TMX1: variants seen among roughly 807,000 people sequenced by gnomAD.
TMX1 encodes thioredoxin-related transmembrane protein 1.
Under a neutral mutation model 36.6 loss-of-function variants are expected in TMX1, and 25 were observed. The ratio of observed to expected loss-of-function variants is 0.68; its 90% CI spans 0.50 to 0.95. The LOEUF is 0.95. Among genes scored for constraint, TMX1 ranks in the 40% least tolerant of loss-of-function variants. The pLI is 0.00. For synonymous variants in TMX1, 133 were observed against 118.0 expected, an observed-to-expected ratio of 1.13 and a Z score of -0.82; for missense variants, 347 against 339.6, an observed-to-expected ratio of 1.02 and a Z score of -0.17.
chr14:51,251,049 G>A (rs2065810264), intron 7 of TMX1, among the ~76,000 whole-genome samples: 2 of 152,162 alleles, frequency 1.3e-5, no homozygotes, highest in African/African-American at 2.4e-5. Context: ...GGTTTTTGAA[G>A]TGAAATGAAT....
At position 51,256,857 on chromosome 14, in the gene TMX1, T is replaced by A. The variant is rs1471872602; in HGVS notation, c.*2338T>A. 3 of 152,346 alleles carry A rather than the reference T, an allele frequency of 2.0e-5. No homozygotes were observed. The highest frequency in any genetic ancestry group is 2.1e-4 in the South Asian group (1 of 4,832). 9.4% of individuals were successfully genotyped at this position (152,346 alleles called of 1,614,324 possible). On this transcript the variant is annotated 3_prime_UTR_variant, in exon 8 of 8. Coordinates refer to ENST00000457354, the MANE Select transcript of TMX1 (RefSeq NM_030755.5). Reference sequence around the variant, plus strand: ...AGGTGTGGTACAAATAGGTAAAATTTGAATCTAATTCTTGTTCCAAATCTT... The same window carrying A: ...AGGTGTGGTACAAATAGGTAAAATTAGAATCTAATTCTTGTTCCAAATCTT...
At position 51,257,625 on chromosome 14, in the gene TMX1, A is replaced by T. The variant is rs897375521; in HGVS notation, c.*3106A>T. The T allele has an allele frequency of 6.6e-6, 1 of 152,198 alleles. No homozygotes were observed. Among genetic ancestry groups the T allele is most frequent in the African/African-American group, 2.4e-5 (1 of 41,460 alleles). The allele number at this position is 152,198 out of a possible 1,614,324, so 9.4% of individuals were successfully genotyped here. On this transcript the variant is annotated 3_prime_UTR_variant, in exon 8 of 8. Coordinates refer to ENST00000457354, the MANE Select transcript of TMX1 (RefSeq NM_030755.5). ...AACCATTAAAACTAGAGTAACAATA[A>T]ATTTAAGTTGGAATTTTGGTAATAT... is the stretch of plus-strand genomic sequence containing the variant.
intron 1 of TMX1, 98 bp from the exon 2 acceptor site, chr14:51,243,758 A>C (rs2065772791): frequency 1.2e-6 from 1 of 855,076 alleles, no homozygotes; most frequent in Non-Finnish European, 1.7e-6. Flanking sequence ...TTCATATGAA[A>C]TATTCTTCAT....
At position 51,249,498 on chromosome 14, in the gene TMX1, G is replaced by C. The variant is rs749154615; in HGVS notation, c.520G>C (p.Gly174Arg). 1.3e-5 allele frequency: 21 copies of C among 1,612,368 alleles called. No individual in the cohort carries two copies. The South Asian group carries it at 2.3e-4, about 18-fold the overall frequency. Reference sequence around the variant, plus strand: ...CCATAACTACTTTATTGAAGACCTTGGATTGCCAGTGTGGGGATCATATAC... The same window carrying C: ...CCATAACTACTTTATTGAAGACCTTCGATTGCCAGTGTGGGGATCATATAC... The part of the protein sequence containing the change: ...TCHNYFIEDL[G>R]LPVWGSYTVF... The change falls in exon 6 of 8, where the codon GGA becomes CGA. Residue 174 changes from glycine to arginine, a missense_variant. Coordinates refer to ENST00000457354, the MANE Select transcript of TMX1 (RefSeq NM_030755.5).
chr14:51,244,025 T>C, intron 2 of TMX1, 54 bp downstream of exon 2: 1 of 1,420,408 alleles, frequency 7.0e-7, no homozygotes, highest in South Asian at 1.4e-5. Context: ...TTGATATATT[T>C]ATCCTTTTTT....
Position 51,240,428 on chromosome 14 carries a change from G to A in TMX1, c.136G>A (p.Asp46Asn), listed in dbSNP as rs1328279246. The change falls in exon 1 of 8, where the codon GAC becomes AAC. Residue 46 changes from aspartate to asparagine, a missense_variant. By Grantham distance (23) the Asp-to-Asn change is conservative. Transcript: ENST00000457354. ...GAACTGGAGAGAACTGCTGGAAGGA[G>A]ACTGGATGATAGAATTGTGAGTGCG... Reference protein sequence around the residue: ...DENWRELLEGDWMIEFYAPWC... With the variant: ...DENWRELLEGNWMIEFYAPWC... The A allele has an allele frequency of 1.2e-6, 2 of 1,613,798 alleles. No individual in the cohort carries two copies. Among genetic ancestry groups the A allele is most frequent in the Non-Finnish European group, 1.7e-6 (2 of 1,179,992 alleles).
At chr14:51,245,207 A>G (rs1437153817) in intron 2 of TMX1, 106 bp from the exon 3 acceptor site, 7 of 1,312,350 alleles carry the variant, frequency 5.3e-6, no homozygotes, top group Admixed American at 2.0e-5. Context: ...ATTAGGTATA[A>G]TTTCATATTC....
intron 7 of TMX1, chr14:51,253,786 CAGA>C (rs2065825725): frequency 6.6e-6 from 1 of 152,106 alleles, no homozygotes; most frequent in Admixed American, 6.6e-5. Context: ...TTTATAAGAC[CAGA>C]AGAAGATATG....
rs756715996 is a variant in TMX1 at position 51,249,724 on chromosome 14, C to T, written c.623C>T (p.Pro208Leu). Residue 208 changes from proline (P) to leucine (L), a missense_variant, in exon 7 of 8, where the codon CCT becomes CTT. Pro to Leu is a moderately conservative substitution (Grantham distance 98). Coordinates refer to ENST00000457354, the MANE Select transcript of TMX1 (RefSeq NM_030755.5). ...ATATTTGTGGCAGATTGCCTTTGTC[C>T]TTCAAAAAGGCGCAGACCACAGCCG... The part of the protein sequence containing the change: ...CMIFVADCLC[P>L]SKRRRPQPYP... 11 of 1,613,394 alleles carry T rather than the reference C, an allele frequency of 6.8e-6. No individual in the cohort carries two copies. Among genetic ancestry groups the T allele is most frequent in the Non-Finnish European group, 9.3e-6 (11 of 1,179,672 alleles).
intron 7 of TMX1, among the ~76,000 whole-genome samples, chr14:51,251,943 G>A (rs2065816076): frequency 6.6e-6 from 1 of 152,104 alleles, no homozygotes; most frequent in Non-Finnish European, 1.5e-5. Flanking sequence ...GAAATAACTT[G>A]TCTTTTGGTG....
intron 4 of TMX1, among the ~76,000 whole-genome samples, chr14:51,247,586 T>C (rs772483179): frequency 2.6e-5 from 4 of 152,282 alleles, no homozygotes; most frequent in Non-Finnish European, 5.9e-5. Flanking sequence ...CTTGATCTCC[T>C]GACCTCGTGA....
At chr14:51,240,726 A>G (rs1225620240) in intron 1 of TMX1, among the ~76,000 whole-genome samples, 2 of 152,098 alleles carry the variant, frequency 1.3e-5, no homozygotes, top group African/African-American at 4.8e-5. Context: ...GAATTCTGAC[A>G]TTTTTCATGA....
intron 2 of TMX1, among the ~76,000 whole-genome samples, chr14:51,244,482 A>G (rs1352298895): frequency 1.3e-5 from 2 of 152,184 alleles, no homozygotes; most frequent in African/African-American, 2.4e-5. Context: ...TTTAGTACCT[A>G]TGATTTGAGG....
At chr14:51,240,475 C>G (rs771923303) in intron 1 of TMX1, 31 bp downstream of exon 1, 9 of 1,601,956 alleles carry the variant, frequency 5.6e-6, no homozygotes, top group South Asian at 4.4e-5. Flanking sequence ...GTCCTACGTC[C>G]GTGCCTGGAC....
chr14:51,254,084 T>A (rs2139859579), intron 7 of TMX1: 1 of 274,658 alleles, frequency 3.6e-6, no homozygotes, highest in South Asian at 7.0e-5. Flanking sequence ...TAATGCTGAT[T>A]CATTAATTTC....
At chr14:51,251,593 ACTG>A (rs938903526) in intron 7 of TMX1, among the ~76,000 whole-genome samples, 2 of 152,204 alleles carry the variant, frequency 1.3e-5, no homozygotes, top group African/African-American at 2.4e-5. Flanking sequence ...GCAGGCTGTT[ACTG>A]CCACTGTTGC....
intron 1 of TMX1, among the ~76,000 whole-genome samples, chr14:51,243,093 TAAA>T (rs34241507): frequency 1.8e-3 from 248 of 138,164 alleles, no homozygotes; most frequent in South Asian, 2.5e-3. Context: ...CTGGTTCTGT[TAAA>T]AAAAAAAAAA....
At position 51,243,939 on chromosome 14, in the gene TMX1, A is replaced by T. The variant is rs764776488; in HGVS notation, c.236A>T (p.Asn79Ile). ...GAATGGGGAGAAGATCTTGAGGTTA[A>T]TATTGCGAAAGTAGATGTCACAGAG... The part of the protein sequence containing the change: ...FAEWGEDLEV[N>I]IAKVDVTEQP... Residue 79 changes from asparagine to isoleucine, a missense_variant, in exon 2 of 8, where the codon AAT becomes ATT. Transcript: ENST00000457354. 1 of 1,612,212 alleles carries T rather than the reference A, an allele frequency of 6.2e-7. No homozygotes were observed. The highest frequency in any genetic ancestry group is 1.1e-5 in the South Asian group (1 of 90,402).
At chr14:51,248,776 G>A (rs1236614099) in intron 4 of TMX1, among the ~76,000 whole-genome samples, 1 of 151,998 alleles carries the variant, frequency 6.6e-6, no homozygotes, top group Non-Finnish European at 1.5e-5. Context: ...ACTAATTTTT[G>A]CTTATATGAT....
Sources: gnomAD v4.1 joint callset for allele counts (sites outside exome capture counted in the v4.1 genomes callset) on GRCh38, gnomAD v4.1.1 for gene constraint, MANE v1.5 for transcripts, NCBI Gene and HGNC (gene_info 2026-07-23, HGNC 2026-07-21) for gene names.